The following HIRA variants were observed in gnomAD, a reference collection of about 807,000 sequenced individuals.
HIRA encodes the protein protein HIRA.
In HIRA, 13 loss-of-function variants were observed where a neutral mutation model predicts 126.6. The ratio of observed to expected loss-of-function variants is 0.10; its 90% confidence interval spans 0.07 to 0.16. HIRA has a LOEUF of 0.16. HIRA is among the 10% of genes least tolerant of loss of function. The pLI is 1.00. For missense variants in HIRA, 834 were observed against 1,314.4 expected (o/e 0.63, Z 5.65); for synonymous variants, 511 against 520.0 (o/e 0.98, Z 0.24).
intron 11 of HIRA, among the ~76,000 whole-genome samples, chr22:19,387,235 T>C (rs969113972): frequency 6.6e-6 from 1 of 152,246 alleles, no homozygotes; most frequent in Non-Finnish European, 1.5e-5. Flanking sequence ...TTCTGAGGCT[T>C]AGTTTCCATA....
At chr22:19,348,917 C>G (rs1288017324) in intron 24 of HIRA, among the ~76,000 whole-genome samples, 2 of 151,832 alleles carry the variant, frequency 1.3e-5, no homozygotes, top group African/African-American at 4.8e-5. Context: ...TCCCGAGTAG[C>G]TGGGATTACA....
intron 24 of HIRA, among the ~76,000 whole-genome samples, chr22:19,345,832 C>T (rs2088680680): frequency 6.6e-6 from 1 of 152,174 alleles, no homozygotes; most frequent in Non-Finnish European, 1.5e-5. Flanking sequence ...AAGGTGTTTG[C>T]TTAGTGCCCC....
chr22:19,384,801 G>A (rs1388656167), intron 12 of HIRA, among the ~76,000 whole-genome samples: 1 of 151,464 alleles, frequency 6.6e-6, no homozygotes, highest in Non-Finnish European at 1.5e-5. Flanking sequence ...TTATAGGCAT[G>A]CACCACCATA....
intron 24 of HIRA, among the ~76,000 whole-genome samples, chr22:19,343,601 GTTA>G (rs1232837043): frequency 1.3e-5 from 2 of 151,770 alleles, no homozygotes; most frequent in Non-Finnish European, 2.9e-5. Context: ...AAAACACACT[GTTA>G]TTTTAAATTT....
Position 19,378,055 on chromosome 22 carries a change from G to A in HIRA, c.1427C>T (p.Thr476Met), listed in dbSNP as rs926104116. 6.3e-6 allele frequency: 10 copies of A among 1,578,104 alleles called. No individual in the cohort carries two copies. Among genetic ancestry groups the A allele is most frequent in the East Asian group, 4.6e-5 (2 of 43,806 alleles). Residue 476 changes from threonine to methionine, a missense_variant, in exon 14 of 25, where the codon ACG becomes ATG. This residue lies in a region of HIRA where 153 missense variants were observed against 270.6 expected (regional missense o/e 0.57). Coordinates refer to ENST00000263208, the MANE Select transcript of HIRA (RefSeq NM_003325.4). ...GAGGGGGATGCTGTTAAAGAATGCC[G>A]TGGAGAAGTCCCTGTCATCAAGTAA... is the stretch of plus-strand genomic sequence containing the variant. ...IAQLDTGDFSTAFFNSIPLSG... is the reference protein window; with the variant it reads ...IAQLDTGDFSMAFFNSIPLSG...
At chr22:19,339,563 G>A (rs782042553) in intron 24 of HIRA, among the ~76,000 whole-genome samples, 1 of 151,932 alleles carries the variant, frequency 6.6e-6, no homozygotes, top group Non-Finnish European at 1.5e-5. Context: ...CTTGAACCTG[G>A]GAGGCAGAGG....
chr22:19,428,023 T>C (rs760853871), intron 1 of HIRA, among the ~76,000 whole-genome samples: 15 of 152,210 alleles, frequency 9.9e-5, no homozygotes, highest in East Asian at 1.9e-4. Context: ...ATATAAATGA[T>C]AGCTATTATA....
At chr22:19,372,649 G>A (rs2088977883) in intron 15 of HIRA, among the ~76,000 whole-genome samples, 1 of 148,344 alleles carries the variant, frequency 6.7e-6, no homozygotes, top group Admixed American at 6.9e-5. Context: ...TCTGCTCACT[G>A]CAACCTCTGT....
At chr22:19,336,826 C>T (rs2088572096) in intron 24 of HIRA, among the ~76,000 whole-genome samples, 1 of 152,152 alleles carries the variant, frequency 6.6e-6, no homozygotes, top group Admixed American at 6.5e-5. Context: ...AATCTCCATC[C>T]CTAGGGGAAG....
At chr22:19,390,459 G>A (rs768133195) in intron 9 of HIRA, among the ~76,000 whole-genome samples, 5 of 151,692 alleles carry the variant, frequency 3.3e-5, no homozygotes, top group Non-Finnish European at 5.9e-5. Flanking sequence ...ACCGGGTGTG[G>A]TGGCCTGTAA....
In HIRA at chr22:19,361,909, T is replaced by G. The variant is rs750958109; in HGVS notation, c.1798A>C (p.Lys600Gln). 5.6e-6 allele frequency: 9 copies of G among 1,614,232 alleles called. No homozygotes were observed. In the South Asian group the frequency reaches 9.9e-5, roughly 18 times the overall value. The stretch of plus-strand genomic sequence containing the variant: ...AGGAGGTCTCGGGGCCTCAGCTCTT[T>G]CACAAGGTTCTGCTCTTTTAACCTG... ...VERLKEQNLV[K>Q]ELRPRDLLES... Residue 600 changes from lysine to glutamine, a missense_variant, in exon 16 of 25, where the codon AAA (lysine) becomes CAA (glutamine). Physicochemically the swap from Lys to Gln is moderately conservative, Grantham distance 53 (BLOSUM62 1). Transcript: ENST00000263208.
At chr22:19,390,936 G>A (rs1377474304) in intron 9 of HIRA, among the ~76,000 whole-genome samples, 1 of 151,002 alleles carries the variant, frequency 6.6e-6, no homozygotes, top group African/African-American at 2.5e-5. Flanking sequence ...TCATGTCCTT[G>A]CTGACACTTG....
intron 1 of HIRA, among the ~76,000 whole-genome samples, chr22:19,429,216 C>G (rs2089512133): frequency 7.3e-6 from 1 of 136,440 alleles, no homozygotes; most frequent in Non-Finnish European, 1.5e-5. Context: ...CGGCTCACTG[C>G]AACCTCTACC....
At chr22:19,391,028 A>G (rs1285413898) in intron 9 of HIRA, among the ~76,000 whole-genome samples, 1 of 152,110 alleles carries the variant, frequency 6.6e-6, no homozygotes, top group Non-Finnish European at 1.5e-5. Context: ...ACATCCACAT[A>G]AAGACTTATA....
In HIRA at chr22:19,356,901, T is replaced by A. The variant is rs782739971; in HGVS notation, c.2385A>T (p.Thr795=). ...SYVMALTAAA[T]LSVWDVHRQV... The stretch of plus-strand genomic sequence containing the variant: ...TGCCTGCCTCTCACCAGACAGAGAG[T>A]GTGGCTGCAGCGGTGAGCGCCATGA... Residue 795 remains threonine, a synonymous_variant, in exon 19 of 25, where the codon ACA becomes ACT. Transcript: ENST00000263208. 5 of 1,613,452 alleles carry A rather than the reference T, an allele frequency of 3.1e-6. No homozygotes were observed. The South Asian group carries it at 3.3e-5, about 11-fold the overall frequency.
chr22:19,373,714 A>C (rs999578748), intron 15 of HIRA, among the ~76,000 whole-genome samples: 1 of 152,118 alleles, frequency 6.6e-6, no homozygotes, highest in Non-Finnish European at 1.5e-5. Context: ...GAGACATTCC[A>C]ACTTCTCTGC....
chr22:19,403,510 T>G (rs7286025), intron 5 of HIRA, among the ~76,000 whole-genome samples: 152,302 of 152,302 alleles, frequency 1, 76,151 homozygotes, highest in Non-Finnish European at 1. Context: ...TACTCAGGAG[T>G]CTGAGGCAGG....
At chr22:19,420,575 C>T (rs547912834) in intron 1 of HIRA, among the ~76,000 whole-genome samples, 3 of 152,090 alleles carry the variant, frequency 2.0e-5, no homozygotes, top group Admixed American at 2.0e-4. Context: ...ACTTCTTTCC[C>T]CCCTCATTTT....
At chr22:19,353,595 A>C (rs879980338) in intron 22 of HIRA, 76 bp from the exon 23 acceptor site, 13 of 1,439,064 alleles carry the variant, frequency 9.0e-6, no homozygotes, top group African/African-American at 1.4e-5. Flanking sequence ...CGTGTGCAAC[A>C]GGCAAGGAGC....
Sources: gnomAD v4.1 joint callset for allele counts (sites outside exome capture counted in the v4.1 genomes callset) on GRCh38, gnomAD v4.1.1 for gene constraint, gnomAD v4.1.1 regional missense constraint, MANE v1.5 for transcripts, NCBI Gene and HGNC (gene_info 2026-07-23, HGNC 2026-07-21) for gene names.